Variants in GPBP1 observed in about 807,000 individuals in gnomAD.
GPBP1 encodes the protein vasculin.
In GPBP1, 13 loss-of-function variants were observed where a neutral mutation model predicts 56.5. The observed-to-expected ratio is 0.23, with a 90% confidence interval of 0.15 to 0.37. GPBP1 has a LOEUF of 0.37. Among genes scored for constraint, GPBP1 ranks in the 10% least tolerant of loss-of-function variants. The probability of loss-of-function intolerance (pLI) is 1.00; values close to 1 mark genes in which losing one functional copy is unlikely to be tolerated. For missense variants in GPBP1, 477 were observed against 572.3 expected (o/e 0.83, Z 1.70); for synonymous variants, 204 against 188.9 (o/e 1.08, Z -0.66).
chr5:57,221,276 T>C lies in GPBP1; in HGVS notation c.63+7083T>C, dbSNP rs1755946806. 3 of 718,654 alleles carry C rather than the reference T, an allele frequency of 4.2e-6. No homozygotes were observed. In the South Asian group the frequency reaches 6.3e-5, roughly 15 times the overall value. The allele number at this position is 718,654 out of a possible 1,614,324, so 44.5% of individuals were successfully genotyped here. On this transcript the variant is annotated intron_variant, in intron 3 of 11. Transcript: ENST00000506184. ...TTTCATGTATATGTAACAAATTTTATATACCTGTGGCGCACTAGTTTTTTC... is the reference window on the plus strand; with the variant it reads ...TTTCATGTATATGTAACAAATTTTACATACCTGTGGCGCACTAGTTTTTTC...
At chr5:57,256,771 T>TGA (rs573052072) in intron 10 of GPBP1, among the ~76,000 whole-genome samples, 314 of 152,348 alleles carry the variant, frequency 2.1e-3, no homozygotes, top group African/African-American at 7.0e-3. Context: ...TATTTAAATT[T>TGA]CTTAGTTTGA....
At chr5:57,179,208 A>ATT (rs780898660) in intron 2 of GPBP1, among the ~76,000 whole-genome samples, 1 of 152,106 alleles carries the variant, frequency 6.6e-6, no homozygotes, top group Non-Finnish European at 1.5e-5. Flanking sequence ...TATCTTTGAT[A>ATT]TTTTTTTCTT....
At chr5:57,223,921 C>T (rs1756064553) in intron 3 of GPBP1, among the ~76,000 whole-genome samples, 1 of 151,886 alleles carries the variant, frequency 6.6e-6, no homozygotes, top group South Asian at 2.1e-4. Flanking sequence ...GCAAGCTCTG[C>T]CTCCTGGGTT....
intron 8 of GPBP1, among the ~76,000 whole-genome samples, chr5:57,248,419 A>ATTT (rs70999069): frequency 3.5e-4 from 35 of 99,354 alleles, no homozygotes; most frequent in East Asian, 8.0e-4. Context: ...CTCATATACT[A>ATTT]TTTTTTTTTT....
chr5:57,202,020 G>T (rs1755042432), intron 2 of GPBP1, among the ~76,000 whole-genome samples: 1 of 152,064 alleles, frequency 6.6e-6, no homozygotes, highest in Non-Finnish European at 1.5e-5. Context: ...TTGAGATGGG[G>T]TCTCACTTGG....
At chr5:57,217,847 GCC>G (rs1491281332) in intron 3 of GPBP1, among the ~76,000 whole-genome samples, 1 of 152,098 alleles carries the variant, frequency 6.6e-6, no homozygotes, top group Admixed American at 6.6e-5. Flanking sequence ...GTGAAACCCT[GCC>G]TCTCTACAAA....
intron 6 of GPBP1, chr5:57,237,495 TAC>T (rs1740579257): frequency 3.9e-6 from 1 of 253,264 alleles, no homozygotes; most frequent in South Asian, 7.2e-5. Context: ...GGATTTTGAG[TAC>T]TAGTTGAAAA....
intron 2 of GPBP1, among the ~76,000 whole-genome samples, chr5:57,186,345 C>T (rs1754284788): frequency 6.6e-6 from 1 of 151,090 alleles, no homozygotes; most frequent in African/African-American, 2.4e-5. Context: ...ATGATTGTGG[C>T]ACTGCACTCT....
chr5:57,221,379 C>A, intron 3 of GPBP1: 1 of 1,532,122 alleles, frequency 6.5e-7, no homozygotes, highest in Non-Finnish European at 8.8e-7. Context: ...TTAATAGGTC[C>A]TGACCAGCAG....
intron 2 of GPBP1, among the ~76,000 whole-genome samples, chr5:57,179,619 CAG>C (rs1753952661): frequency 6.6e-6 from 1 of 151,916 alleles, no homozygotes; most frequent in South Asian, 2.1e-4. Flanking sequence ...TTTTTTGAGA[CAG>C]AGTTTCGCAG....
At chr5:57,261,611 G>A (rs772332420) in intron 11 of GPBP1, among the ~76,000 whole-genome samples, 11 of 152,184 alleles carry the variant, frequency 7.2e-5, no homozygotes, top group Non-Finnish European at 1.5e-4. Context: ...AGGAATTAGT[G>A]TAAGTGATGT....
intron 2 of GPBP1, among the ~76,000 whole-genome samples, chr5:57,211,876 C>G (rs147876063): frequency 6.6e-6 from 1 of 151,840 alleles, no homozygotes; most frequent in African/African-American, 2.4e-5. Context: ...TCGGCCATTA[C>G]GTAACTTTTT....
chr5:57,262,569 A>G (rs190678723), intron 11 of GPBP1, 25 bp from the exon 12 acceptor site: 49 of 1,545,376 alleles, frequency 3.2e-5, no homozygotes, highest in Non-Finnish European at 3.9e-5. Flanking sequence ...GGGATAATTT[A>G]TTTATTTTGC....
chr5:57,262,357 G>C (rs1741933785), intron 11 of GPBP1, among the ~76,000 whole-genome samples: 1 of 152,076 alleles, frequency 6.6e-6, no homozygotes, highest in African/African-American at 2.4e-5. Flanking sequence ...AGTCCCTGAA[G>C]GTATTTATTA....
chr5:57,189,127 A>ATT (rs1175375210), intron 2 of GPBP1, among the ~76,000 whole-genome samples: 1 of 149,370 alleles, frequency 6.7e-6, no homozygotes, highest in Non-Finnish European at 1.5e-5. Flanking sequence ...TACCCGGCTA[A>ATT]TTTTTTTTTT....
Position 57,249,548 on chromosome 5 carries a change from A to G in GPBP1, c.944A>G (p.Glu315Gly). Reference protein sequence around the residue: ...LKRDRVEEEHEDESRAGSEKD... With the variant: ...LKRDRVEEEHGDESRAGSEKD... Reference sequence around the variant, plus strand: ...AGAGACAGAGTAGAAGAGGAACATGAAGATGAAAGCCGTGCTGGCTCAGAG... The same window carrying G: ...AGAGACAGAGTAGAAGAGGAACATGGAGATGAAAGCCGTGCTGGCTCAGAG... Residue 315 changes from glutamate (E) to glycine (G), a missense_variant, in exon 9 of 12, where the codon GAA becomes GGA. Transcript: ENST00000506184. 1 of 1,610,068 alleles carries G rather than the reference A, an allele frequency of 6.2e-7. No individual in the cohort carries two copies.
At chr5:57,240,637 T>A (rs1740781909) in intron 6 of GPBP1, among the ~76,000 whole-genome samples, 1 of 152,222 alleles carries the variant, frequency 6.6e-6, no homozygotes, top group Non-Finnish European at 1.5e-5. Flanking sequence ...AGTGAATTTA[T>A]TCATCTGTGA....
intron 2 of GPBP1, among the ~76,000 whole-genome samples, chr5:57,197,612 G>T (rs747157229): frequency 1.4e-4 from 22 of 152,290 alleles, no homozygotes; most frequent in Admixed American, 7.2e-4. Context: ...ACCCACGTCA[G>T]CCTCTCAAAG....
At chr5:57,247,565 G>T (rs1240778800) in intron 8 of GPBP1, among the ~76,000 whole-genome samples, 1 of 152,022 alleles carries the variant, frequency 6.6e-6, no homozygotes, top group Non-Finnish European at 1.5e-5. Flanking sequence ...TGTGCCTGTG[G>T]TCCCAGATCT....
Sources: allele counts gnomAD v4.1 joint callset (sites outside exome capture counted in the v4.1 genomes callset), GRCh38; gene constraint gnomAD v4.1.1; transcripts MANE v1.5; gene names NCBI Gene and HGNC (gene_info 2026-07-23, HGNC 2026-07-21).